Variants in IQUB observed in about 807,000 individuals in gnomAD.
IQUB encodes the protein IQ motif and ubiquitin-like domain-containing protein.
Under a neutral mutation model 86.4 loss-of-function variants are expected in IQUB, and 86 were observed. The ratio of observed to expected loss-of-function variants is 1.00; its 90% CI spans 0.84 to 1.19. IQUB has a LOEUF of 1.19. IQUB is among the 50% of genes most tolerant of loss of function. IQUB has a pLI of 0.00. For synonymous variants in IQUB, 289 were observed against 304.5 expected, an observed-to-expected ratio of 0.95 and a Z score of 0.53; for missense variants, 946 against 916.9, an observed-to-expected ratio of 1.03 and a Z score of -0.41.
At chr7:123,502,065 T>C (rs1487894590) in intron 6 of IQUB, 1 of 153,162 alleles carries the variant, frequency 6.5e-6, no homozygotes, top group Non-Finnish European at 1.5e-5. Context: ...TAGCTCCAGA[T>C]TTCTTGTCAT....
At chr7:123,488,213 C>T (rs887915304) in intron 7 of IQUB, among the ~76,000 whole-genome samples, 12 of 151,778 alleles carry the variant, frequency 7.9e-5, no homozygotes, top group Non-Finnish European at 4.4e-5. Flanking sequence ...CGGTGGCCGG[C>T]GCCTGTAGTC....
chr7:123,524,715 T>C (rs1488068511), intron 1 of IQUB, among the ~76,000 whole-genome samples: 2 of 149,846 alleles, frequency 1.3e-5, no homozygotes, highest in African/African-American at 2.5e-5. Context: ...CTAATTGCCC[T>C]GGCCAGAACT....
chr7:123,497,113 T>C (rs377198954), intron 6 of IQUB, among the ~76,000 whole-genome samples: 1 of 152,168 alleles, frequency 6.6e-6, no homozygotes, highest in Non-Finnish European at 1.5e-5. Context: ...CTCGCAAATA[T>C]ACCTTCCCAG....
At chr7:123,474,328 C>T (rs1381060103) in intron 8 of IQUB, among the ~76,000 whole-genome samples, 2 of 152,082 alleles carry the variant, frequency 1.3e-5, no homozygotes, top group Non-Finnish European at 2.9e-5. Flanking sequence ...CTGACCTTGT[C>T]TACTTGCAGG....
In IQUB at chr7:123,489,958, A is replaced by C. The variant is rs1433249081; in HGVS notation, c.1234+6738T>G. ...TTAAATTCATAATAGTAAACAGATAAGTATAAAAAAGAAATAAATCTTTAA... is the reference window on the plus strand; with the variant it reads ...TTAAATTCATAATAGTAAACAGATACGTATAAAAAAGAAATAAATCTTTAA... On this transcript the variant is annotated intron_variant, in intron 7 of 12. Coordinates refer to ENST00000324698, the MANE Select transcript of IQUB (RefSeq NM_178827.5). Among the ~76,000 whole-genome samples, 3 of 152,128 alleles carry C rather than the reference A, an allele frequency of 2.0e-5. No individual in the cohort carries two copies. The East Asian group carries it at 5.8e-4, about 29-fold the overall frequency.
At position 123,454,370 on chromosome 7, in the gene IQUB, T is replaced by G. The variant is rs558585318; in HGVS notation, c.2194-1445A>C. ...AGTAACTCTTAAATAACTGAATATA[T>G]TTCCATATTATATTATTTATATTGT... On this transcript the variant is annotated intron_variant, in intron 12 of 12. Transcript: ENST00000324698. Among the ~76,000 whole-genome samples the G allele has an allele frequency of 2.6e-5, 4 of 152,170 alleles. No homozygotes were observed. In the South Asian group the frequency reaches 8.3e-4, roughly 32 times the overall value.
intron 10 of IQUB, among the ~76,000 whole-genome samples, chr7:123,461,861 T>TA (rs1268189992): frequency 6.6e-6 from 1 of 151,816 alleles, no homozygotes; most frequent in Non-Finnish European, 1.5e-5. Flanking sequence ...ATATTTGTGG[T>TA]AAAATCACTT....
intron 1 of IQUB, among the ~76,000 whole-genome samples, chr7:123,526,984 T>C: frequency 6.6e-6 from 1 of 152,300 alleles, no homozygotes; most frequent in African/African-American, 2.4e-5. Flanking sequence ...TATGAAATTC[T>C]GGGTTGAAAA....
rs765768329 is a variant in IQUB at position 123,461,356 on chromosome 7, C to A, written c.2007+1G>T. On this transcript the variant is annotated splice_donor_variant, in intron 11 of 12. Coordinates refer to ENST00000324698, the MANE Select transcript of IQUB (RefSeq NM_178827.5). LOFTEE classifies it high-confidence loss of function. The stretch of plus-strand genomic sequence containing the variant: ...TAATTGGCACCCCTTATTGACCATA[C>A]CTGCATCAAGAAAGCAATTTTAGAA... 4.4e-6 allele frequency: 7 copies of A among 1,604,222 alleles called. No individual in the cohort carries two copies. In the African/African-American group the frequency reaches 6.7e-5, roughly 15 times the overall value.
intron 1 of IQUB, among the ~76,000 whole-genome samples, chr7:123,531,263 G>A (rs3851978): frequency 2.0e-5 from 3 of 152,076 alleles, no homozygotes; most frequent in East Asian, 1.9e-4. Flanking sequence ...ATGTGTCTCC[G>A]TGAGGACCAT....
intron 11 of IQUB, among the ~76,000 whole-genome samples, chr7:123,459,021 A>C (rs1316964350): frequency 6.6e-6 from 1 of 152,040 alleles, no homozygotes; most frequent in Non-Finnish European, 1.5e-5. Flanking sequence ...TCAAACATTC[A>C]AATTATGCCT....
chr7:123,522,234 T>G (rs1796938553), intron 1 of IQUB, among the ~76,000 whole-genome samples: 1 of 152,180 alleles, frequency 6.6e-6, no homozygotes, highest in African/African-American at 2.4e-5. Context: ...CAAGCATCCA[T>G]GTAGACTCAC....
chr7:123,534,186 ATCT>A (rs1244673394), intron 1 of IQUB, among the ~76,000 whole-genome samples: 33 of 152,306 alleles, frequency 2.2e-4, no homozygotes, highest in Admixed American at 2.2e-3. Flanking sequence ...TTATACACAC[ATCT>A]TCTATGCAAT....
chr7:123,496,991 C>A (rs1478944998), intron 6 of IQUB, 85 bp from the exon 7 acceptor site: 1 of 763,108 alleles, frequency 1.3e-6, no homozygotes, highest in Admixed American at 3.2e-5. Flanking sequence ...TATTTCAATT[C>A]CAATTCCACA....
intron 2 of IQUB, among the ~76,000 whole-genome samples, chr7:123,510,798 A>C (rs762928594): frequency 1.3e-5 from 2 of 152,094 alleles, no homozygotes; most frequent in East Asian, 1.9e-4. Context: ...TTGTTTCCAC[A>C]GTTCTCTATC....
In IQUB at chr7:123,510,008, TG is replaced by T; in HGVS notation, c.424del (p.Gln142ArgfsTer4). ...AACCTTAAAAGGTATTACAATTTCCTGGCCCACTGGAATAAGTACAACTTTT... is the reference window on the plus strand; with the variant it reads ...AACCTTAAAAGGTATTACAATTTCCTGCCCACTGGAATAAGTACAACTTTT... ...TVKVVLIPVG[Q>X]EIVIPFKVDT... On this transcript the variant is annotated frameshift_variant, in exon 3 of 13. Transcript: ENST00000324698. LOFTEE classifies it high-confidence loss of function. 1 of 1,578,052 alleles carries T rather than the reference TG, an allele frequency of 6.3e-7. No individual in the cohort carries two copies. The highest frequency in any genetic ancestry group is 8.7e-7 in the Non-Finnish European group (1 of 1,155,084).
Position 123,464,891 on chromosome 7 carries a change from A to T in IQUB, c.1700T>A (p.Leu567His). 6.2e-7 allele frequency: 1 copy of T among 1,607,460 alleles called. No homozygotes were observed. Among genetic ancestry groups the T allele is most frequent in the Non-Finnish European group, 8.5e-7 (1 of 1,177,238 alleles). Residue 567 changes from leucine (L) to histidine (H), a missense_variant, in exon 10 of 13, where the codon CTC becomes CAC. Leu to His is a moderately conservative substitution (Grantham distance 99). Coordinates refer to ENST00000324698, the MANE Select transcript of IQUB (RefSeq NM_178827.5). Reference protein sequence around the residue: ...LEGLRKRIATLFFHYIKTPLF... With the variant: ...LEGLRKRIATHFFHYIKTPLF... ...AGGTGTTTTGATATAATGAAAAAAGAGTGTCGCAATTCTTTTTCTGAGTCC... is the reference window on the plus strand; with the variant it reads ...AGGTGTTTTGATATAATGAAAAAAGTGTGTCGCAATTCTTTTTCTGAGTCC...
At chr7:123,483,843 A>G (rs1795107657) in intron 7 of IQUB, among the ~76,000 whole-genome samples, 1 of 152,100 alleles carries the variant, frequency 6.6e-6, no homozygotes, top group African/African-American at 2.4e-5. Flanking sequence ...TTGCATTGTT[A>G]TATTCCAGAC....
intron 6 of IQUB, among the ~76,000 whole-genome samples, chr7:123,498,686 C>A (rs996282931): frequency 1.3e-5 from 2 of 152,122 alleles, no homozygotes; most frequent in African/African-American, 4.8e-5. Context: ...CTTATATGTC[C>A]CAGATGGCTG....
Sources: gnomAD v4.1 joint callset for allele counts (sites outside exome capture counted in the v4.1 genomes callset) on GRCh38, gnomAD v4.1.1 for gene constraint, MANE v1.5 for transcripts, NCBI Gene and HGNC (gene_info 2026-07-23, HGNC 2026-07-21) for gene names.